VRK1: variants seen among roughly 807,000 people sequenced by gnomAD.
VRK1 encodes VRK serine/threonine kinase 1, also known as serine/threonine-protein kinase VRK1.
Under a neutral mutation model 57.1 loss-of-function variants are expected in VRK1, and 33 were observed. That is an observed-to-expected ratio of 0.58 (90% CI 0.44 to 0.77). The LOEUF (loss-of-function observed/expected upper bound fraction) is 0.77. VRK1 is among the 30% of genes least tolerant of loss of function. The pLI is 0.00. For synonymous variants in VRK1, 137 were observed against 147.8 expected, an observed-to-expected ratio of 0.93 and a Z score of 0.53; for missense variants, 413 against 477.3, an observed-to-expected ratio of 0.87 and a Z score of 1.25.
chr14:96,857,475 C>T (rs1242634600), intron 10 of VRK1, among the ~76,000 whole-genome samples: 3 of 152,096 alleles, frequency 2.0e-5, no homozygotes, highest in African/African-American at 7.2e-5. Context: ...CATAGGTAAA[C>T]ATGAGGGCTT....
chr14:96,849,070 G>T (rs928576300), intron 5 of VRK1, among the ~76,000 whole-genome samples: 2 of 152,138 alleles, frequency 1.3e-5, no homozygotes, highest in African/African-American at 4.8e-5. Context: ...GGAGTCGGTG[G>T]CAGATAATGA....
chr14:96,811,838 A>G (rs1450336546), intron 1 of VRK1, among the ~76,000 whole-genome samples: 5 of 151,860 alleles, frequency 3.3e-5, no homozygotes, highest in Non-Finnish European at 7.4e-5. Context: ...TTCATTCATT[A>G]AAAGGTATAA....
chr14:96,826,842 GCCTGAA>G (rs775707862), intron 1 of VRK1, among the ~76,000 whole-genome samples: 1 of 152,136 alleles, frequency 6.6e-6, no homozygotes, highest in Non-Finnish European at 1.5e-5. Context: ...TTAAGAAATT[GCCTGAA>G]AAGCAACAAG....
intron 8 of VRK1, among the ~76,000 whole-genome samples, chr14:96,855,787 C>T (rs1246080001): frequency 1.3e-5 from 2 of 152,142 alleles, no homozygotes; most frequent in Non-Finnish European, 2.9e-5. Context: ...AACTCAAATA[C>T]CCAGTTCTCT....
At chr14:96,826,672 C>T (rs1008580436) in intron 1 of VRK1, among the ~76,000 whole-genome samples, 7 of 152,142 alleles carry the variant, frequency 4.6e-5, no homozygotes, top group East Asian at 1.9e-4. Context: ...ATGCAAGCAT[C>T]GGTTTCATTA....
intron 12 of VRK1, among the ~76,000 whole-genome samples, chr14:96,879,744 C>T (rs570908198): frequency 2.6e-4 from 39 of 151,932 alleles, no homozygotes; most frequent in African/African-American, 8.9e-4. Context: ...GCCTGACCAA[C>T]ATGGTGAAAG....
chr14:96,864,915 C>T (rs1888525028), intron 11 of VRK1, among the ~76,000 whole-genome samples: 1 of 135,170 alleles, frequency 7.4e-6, no homozygotes, highest in African/African-American at 2.6e-5. Context: ...AAATCGTTTG[C>T]CTATTTAAAA....
intron 2 of VRK1, among the ~76,000 whole-genome samples, chr14:96,835,973 G>A (rs1360359944): frequency 6.6e-6 from 1 of 152,112 alleles, no homozygotes; most frequent in Non-Finnish European, 1.5e-5. Flanking sequence ...TGACTCTCCA[G>A]TGTCCTTCAA....
Position 96,881,357 on chromosome 14 carries a change from T to A in VRK1, c.*149T>A, listed in dbSNP as rs1007872527. ...GTGTTCAGAAAACATAAACTTTTTT[T>A]ATAAAAATATTTTGTACAATTCATT... On this transcript the variant is annotated 3_prime_UTR_variant, in exon 13 of 13. Transcript: ENST00000216639. The A allele has an allele frequency of 8.5e-6, 6 of 701,910 alleles. No homozygotes were observed. The African/African-American group carries it at 9.0e-5, about 11-fold the overall frequency. The allele number at this position is 701,910 out of a possible 1,614,324, so 43.5% of individuals were successfully genotyped here. A position where few individuals can be genotyped will look rare whatever the true frequency, so the allele number is the denominator to read the frequency against.
chr14:96,805,984 CTTTTTTTT>C (rs368273142), intron 1 of VRK1, among the ~76,000 whole-genome samples: 1 of 126,372 alleles, frequency 7.9e-6, no homozygotes, highest in Non-Finnish European at 1.7e-5. Context: ...GAGAATTTTT[CTTTTTTTT>C]TTTTTTTTTC....
chr14:96,802,216 T>G (rs1595633293), intron 1 of VRK1, among the ~76,000 whole-genome samples: 1 of 152,166 alleles, frequency 6.6e-6, no homozygotes, highest in East Asian at 1.9e-4. Flanking sequence ...TCTCGAAAAG[T>G]TAAACGTACA....
At chr14:96,867,658 C>G (rs1025895781) in intron 11 of VRK1, among the ~76,000 whole-genome samples, 1 of 152,112 alleles carries the variant, frequency 6.6e-6, no homozygotes, top group East Asian at 1.9e-4. Flanking sequence ...GAACTCCTAC[C>G]ACATGAATAT....
rs754975008 is a variant in VRK1 at position 96,853,091 on chromosome 14, T to C, written c.501T>C (p.Tyr167=). The change falls in exon 7 of 13, where the codon TAT becomes TAC. Residue 167 remains tyrosine (Y), a synonymous_variant. Coordinates refer to ENST00000216639, the MANE Select transcript of VRK1 (RefSeq NM_003384.3). ...LSLRILDILE[Y]IHEHEYVHGD... is the part of the protein sequence containing the mutation. ...TTTCATAGCTGGATATTCTGGAATA[T>C]ATTCACGAGCATGAGTATGTGCATG... 2.5e-6 allele frequency: 4 copies of C among 1,613,872 alleles called. No individual in the cohort carries two copies.
At chr14:96,798,716 G>A (rs930010056) in intron 1 of VRK1, among the ~76,000 whole-genome samples, 29 of 152,168 alleles carry the variant, frequency 1.9e-4, no homozygotes, top group African/African-American at 7.0e-4. Flanking sequence ...CTTTGGGGGA[G>A]AATTTAATCT....
intron 1 of VRK1, among the ~76,000 whole-genome samples, chr14:96,825,860 T>C (rs73357305): frequency 3.3e-5 from 5 of 152,182 alleles, no homozygotes; most frequent in Non-Finnish European, 7.3e-5. Context: ...TAAAAATACA[T>C]GACCCCCTAA....
At chr14:96,856,666 T>G in intron 10 of VRK1, 80 bp downstream of exon 10, 2 of 1,249,112 alleles carry the variant, frequency 1.6e-6, no homozygotes, top group Non-Finnish European at 2.3e-6. Flanking sequence ...GAATAGCCCT[T>G]AATGTAAGAT....
intron 11 of VRK1, 101 bp downstream of exon 11, chr14:96,860,836 G>A: frequency 7.7e-7 from 1 of 1,300,254 alleles, no homozygotes; most frequent in Non-Finnish European, 1.1e-6. Context: ...AACAATAACA[G>A]ATTGCATGGC....
At chr14:96,876,458 C>T (rs961090556) in intron 12 of VRK1, among the ~76,000 whole-genome samples, 3 of 152,012 alleles carry the variant, frequency 2.0e-5, no homozygotes, top group African/African-American at 7.2e-5. Context: ...TCACTTGAGC[C>T]CAGGAGTTTG....
chr14:96,820,386 G>T (rs544140198), intron 1 of VRK1, among the ~76,000 whole-genome samples: 36 of 152,154 alleles, frequency 2.4e-4, no homozygotes, highest in Non-Finnish European at 4.4e-4. Flanking sequence ...ATCGATGATT[G>T]CTCTCAATTG....
Sources: allele counts gnomAD v4.1 joint callset (sites outside exome capture counted in the v4.1 genomes callset), GRCh38; gene constraint gnomAD v4.1.1; transcripts MANE v1.5; gene names NCBI Gene and HGNC (gene_info 2026-07-23, HGNC 2026-07-21).